The following CHODL variants were observed in gnomAD, a reference collection of about 807,000 sequenced individuals.
CHODL encodes the protein chondrolectin, also known as transmembrane protein MT75.
In CHODL, 29 loss-of-function variants were observed where a neutral mutation model predicts 34.5. That is an observed-to-expected ratio of 0.84 (90% CI 0.63 to 1.15). CHODL has a LOEUF of 1.15. CHODL is among the 50% of genes most tolerant of loss of function. CHODL has a pLI of 0.00. For missense variants in CHODL, 332 were observed against 332.5 expected, an observed-to-expected ratio of 1.00 and a Z score of 0.01; for synonymous variants, 125 against 116.1, an observed-to-expected ratio of 1.08 and a Z score of -0.49.
chr21:18,138,197 A>G (rs1045667802), intron 2 of CHODL, among the ~76,000 whole-genome samples: 1 of 150,146 alleles, frequency 6.7e-6, no homozygotes, highest in Admixed American at 6.7e-5. Context: ...CCCTTACTCT[A>G]TTTTCCACTG....
intron 2 of CHODL, among the ~76,000 whole-genome samples, chr21:18,054,997 T>G (rs2064561546): frequency 6.6e-6 from 1 of 151,982 alleles, no homozygotes; most frequent in African/African-American, 2.4e-5. Context: ...TGATCACTCT[T>G]CTTTCACAGT....
intron 1 of CHODL, among the ~76,000 whole-genome samples, chr21:17,968,319 C>A (rs111738160): frequency 6.6e-6 from 1 of 152,210 alleles, no homozygotes; most frequent in African/African-American, 2.4e-5. Context: ...TGTCTTTTTC[C>A]GATTATTTAC....
At chr21:18,098,467 T>C (rs936555309) in intron 2 of CHODL, among the ~76,000 whole-genome samples, 2 of 151,982 alleles carry the variant, frequency 1.3e-5, no homozygotes, top group Non-Finnish European at 2.9e-5. Context: ...AGTGCTCAAT[T>C]TCTTTTTAGA....
intron 1 of CHODL, among the ~76,000 whole-genome samples, chr21:18,007,688 A>G (rs1338702477): frequency 6.6e-6 from 1 of 152,240 alleles, no homozygotes; most frequent in Admixed American, 6.5e-5. Flanking sequence ...AGACTAAAAT[A>G]CAGCAAATAA....
At chr21:18,140,571 A>C (rs1206788965) in intron 2 of CHODL, among the ~76,000 whole-genome samples, 2 of 152,222 alleles carry the variant, frequency 1.3e-5, no homozygotes, top group African/African-American at 4.8e-5. Context: ...AAACTTTTCT[A>C]TAATGGCTCA....
chr21:18,260,760 C>A (rs1205739118), intron 4 of CHODL, among the ~76,000 whole-genome samples: 1 of 152,084 alleles, frequency 6.6e-6, no homozygotes, highest in African/African-American at 2.4e-5. Flanking sequence ...CTGCAGTGAG[C>A]AGTGATCATG....
intron 2 of CHODL, among the ~76,000 whole-genome samples, chr21:18,072,738 A>G (rs1269675891): frequency 6.6e-6 from 1 of 152,128 alleles, no homozygotes; most frequent in African/African-American, 2.4e-5. Context: ...TTACAAGAAC[A>G]TAACCTTGGC....
intron 2 of CHODL, among the ~76,000 whole-genome samples, chr21:18,060,054 C>T (rs995944732): frequency 2.0e-5 from 3 of 152,054 alleles, no homozygotes; most frequent in Non-Finnish European, 4.4e-5. Context: ...CACTTTCTTC[C>T]AAGGTGCCAT....
chr21:18,062,581 C>T (rs1313298870), intron 2 of CHODL, among the ~76,000 whole-genome samples: 1 of 152,018 alleles, frequency 6.6e-6, no homozygotes, highest in Non-Finnish European at 1.5e-5. Context: ...GCCTGGCCAA[C>T]ATGGTGAAAC....
intron 1 of CHODL, among the ~76,000 whole-genome samples, chr21:18,015,213 TG>T (rs972506362): frequency 6.6e-6 from 1 of 152,174 alleles, no homozygotes; most frequent in Non-Finnish European, 1.5e-5. Flanking sequence ...GATTGGATCA[TG>T]GGGGTGGATT....
intron 1 of CHODL, among the ~76,000 whole-genome samples, chr21:17,926,735 A>G (rs2063226251): frequency 6.6e-6 from 1 of 152,196 alleles, no homozygotes; most frequent in Non-Finnish European, 1.5e-5. Context: ...TTACAATTCA[A>G]GATGAGATTT....
chr21:17,952,540 A>T (rs750805099), intron 1 of CHODL, among the ~76,000 whole-genome samples: 1 of 152,148 alleles, frequency 6.6e-6, no homozygotes, highest in Non-Finnish European at 1.5e-5. Flanking sequence ...ACCCACGCTA[A>T]TATATTGCCA....
At chr21:17,933,157 C>A (rs182481792) in intron 1 of CHODL, among the ~76,000 whole-genome samples, 1 of 152,314 alleles carries the variant, frequency 6.6e-6, no homozygotes, top group Non-Finnish European at 1.5e-5. Flanking sequence ...GGGTTTTACA[C>A]TGAGACATTC....
chr21:17,991,512 A>T (rs1211588500), intron 1 of CHODL, among the ~76,000 whole-genome samples: 2 of 151,984 alleles, frequency 1.3e-5, no homozygotes, highest in East Asian at 3.9e-4. Context: ...CTATGGTGAG[A>T]TGGTATTTCA....
At chr21:17,931,521 C>T (rs555383651) in intron 1 of CHODL, among the ~76,000 whole-genome samples, 1 of 152,278 alleles carries the variant, frequency 6.6e-6, no homozygotes, top group South Asian at 2.1e-4. Context: ...CCCAAAGGAT[C>T]GTACTAGCTT....
intron 1 of CHODL, among the ~76,000 whole-genome samples, chr21:17,938,777 C>T (rs1437986578): frequency 6.6e-6 from 1 of 151,914 alleles, no homozygotes; most frequent in Non-Finnish European, 1.5e-5. Context: ...GGCGCCCGGC[C>T]GAAACCCACA....
chr21:17,973,293 G>T (rs560155516), intron 1 of CHODL, among the ~76,000 whole-genome samples: 106 of 152,162 alleles, frequency 7.0e-4, no homozygotes, highest in African/African-American at 2.5e-3. Flanking sequence ...TGACAAATGG[G>T]ATCTAATTAA....
At chr21:18,260,555 G>A (rs1350267676) in intron 4 of CHODL, among the ~76,000 whole-genome samples, 2 of 152,164 alleles carry the variant, frequency 1.3e-5, no homozygotes, top group Non-Finnish European at 2.9e-5. Context: ...GCTCACACCT[G>A]TAATCCCAAG....
At chr21:18,166,001 C>T (rs529311182) in intron 2 of CHODL, among the ~76,000 whole-genome samples, 1 of 152,288 alleles carries the variant, frequency 6.6e-6, no homozygotes, top group African/African-American at 2.4e-5. Flanking sequence ...TTCTGTAGAT[C>T]AGAAATCTGG....
Sources: gnomAD v4.1 joint callset for allele counts (sites outside exome capture counted in the v4.1 genomes callset) on GRCh38, gnomAD v4.1.1 for gene constraint, MANE v1.5 for transcripts, NCBI Gene and HGNC (gene_info 2026-07-23, HGNC 2026-07-21) for gene names.